The following ZBTB20 variants were observed in gnomAD, a reference collection of about 807,000 sequenced individuals.
ZBTB20 encodes zinc finger and BTB domain containing 20.
Under a neutral mutation model 56.9 loss-of-function variants are expected in ZBTB20, and 9 were observed. The ratio of observed to expected loss-of-function variants is 0.16; its 90% CI spans 0.10 to 0.28. ZBTB20 has a LOEUF of 0.28. ZBTB20 is among the 10% of genes least tolerant of loss of function. The pLI is 1.00. For missense variants in ZBTB20, 655 were observed against 1,003.0 expected (o/e 0.65, Z 4.69); for synonymous variants, 417 against 420.7 (o/e 0.99, Z 0.11).
At chr3:115,122,688 T>C (rs1374981268) in intron 1 of ZBTB20, among the ~76,000 whole-genome samples, 2 of 152,120 alleles carry the variant, frequency 1.3e-5, no homozygotes, top group Non-Finnish European at 2.9e-5. Flanking sequence ...ATATTAATCC[T>C]ATTCTTCATC....
intron 7 of ZBTB20, among the ~76,000 whole-genome samples, chr3:114,418,586 A>T (rs2088819381): frequency 3.8e-5 from 1 of 26,134 alleles, no homozygotes; most frequent in African/African-American, 6.5e-5. Context: ...TGAGTATATT[A>T]AAAAAAAAAA....
At chr3:115,048,985 G>A (rs2081440686) in intron 2 of ZBTB20, among the ~76,000 whole-genome samples, 1 of 151,890 alleles carries the variant, frequency 6.6e-6, no homozygotes, top group Non-Finnish European at 1.5e-5. Flanking sequence ...TGAACTATGT[G>A]AACTATATGC....
rs1161779763 is a variant in ZBTB20, at chr3:114,963,804, A to G, written c.-456+10562T>C. 6.6e-5 allele frequency among the ~76,000 whole-genome samples: 10 copies of G among 152,048 alleles called. No homozygotes were observed. The East Asian group carries it at 1.9e-3, about 29-fold the overall frequency. On this transcript the variant is annotated intron_variant, in intron 3 of 11. Coordinates refer to ENST00000675478, the MANE Select transcript of ZBTB20 (RefSeq NM_001348800.3). ...ATTATATTCAACTTTGTTGCTGTGTATAAGACAAAACTTTTGTTTCCTTAC... is the reference window on the plus strand; with the variant it reads ...ATTATATTCAACTTTGTTGCTGTGTGTAAGACAAAACTTTTGTTTCCTTAC...
At chr3:115,003,352 G>A (rs1354273140) in intron 2 of ZBTB20, among the ~76,000 whole-genome samples, 1 of 151,536 alleles carries the variant, frequency 6.6e-6, no homozygotes, top group South Asian at 2.1e-4. Context: ...GTTAATAATG[G>A]GGAAAAGTGG....
At chr3:114,511,623 T>C (rs943983878) in intron 6 of ZBTB20, among the ~76,000 whole-genome samples, 3 of 152,122 alleles carry the variant, frequency 2.0e-5, no homozygotes, top group Non-Finnish European at 2.9e-5. Flanking sequence ...TAATTCTTAG[T>C]TCAGTGAACA....
chr3:114,925,742 G>T (rs1482048851), intron 3 of ZBTB20, among the ~76,000 whole-genome samples: 4 of 152,066 alleles, frequency 2.6e-5, no homozygotes, highest in Non-Finnish European at 4.4e-5. Flanking sequence ...TAGCCAGGAT[G>T]ATCTCAATCT....
At chr3:114,548,296 G>A (rs921192830) in intron 6 of ZBTB20, among the ~76,000 whole-genome samples, 14 of 152,126 alleles carry the variant, frequency 9.2e-5, no homozygotes, top group African/African-American at 3.4e-4. Context: ...AGTGGGCTCT[G>A]TTCATCCTCA....
chr3:115,042,414 G>A (rs181173175), intron 2 of ZBTB20, among the ~76,000 whole-genome samples: 5 of 152,214 alleles, frequency 3.3e-5, no homozygotes, highest in Non-Finnish European at 5.9e-5. Flanking sequence ...CTGCTCAAAC[G>A]CAGAGGAAAC....
intron 6 of ZBTB20, among the ~76,000 whole-genome samples, chr3:114,660,948 G>A (rs1473143759): frequency 6.6e-6 from 1 of 152,048 alleles, no homozygotes; most frequent in Non-Finnish European, 1.5e-5. Context: ...TCTCCAAAAA[G>A]CCATTTATGC....
chr3:115,109,949 C>T (rs972947502), intron 1 of ZBTB20, among the ~76,000 whole-genome samples: 1 of 152,156 alleles, frequency 6.6e-6, no homozygotes, highest in East Asian at 1.9e-4. Flanking sequence ...GTGGCTCACG[C>T]CTGTAATCCC....
intron 6 of ZBTB20, among the ~76,000 whole-genome samples, chr3:114,531,075 T>C (rs2047789493): frequency 6.6e-6 from 1 of 152,204 alleles, no homozygotes; most frequent in Non-Finnish European, 1.5e-5. Context: ...CAGACCTTTC[T>C]TCGGAGCTTC....
chr3:114,843,233 G>T (rs1033383983), intron 4 of ZBTB20, among the ~76,000 whole-genome samples: 1 of 152,006 alleles, frequency 6.6e-6, no homozygotes, highest in Non-Finnish European at 1.5e-5. Flanking sequence ...ACTAATACAA[G>T]TACTATCCAA....
chr3:114,315,175 A>G lies in ZBTB20; in HGVS notation c.*23830T>C, dbSNP rs1431675012. The G allele has an allele frequency of 6.6e-6, 1 of 152,174 alleles. No individual in the cohort carries two copies. The highest frequency in any genetic ancestry group is 1.5e-5 in the Non-Finnish European group (1 of 68,036). The allele number at this position is 152,174 out of a possible 1,614,324, so 9.4% of individuals were successfully genotyped here. On this transcript the variant is annotated 3_prime_UTR_variant, in exon 12 of 12. Transcript: ENST00000675478. ...GATGGATGTGTGTTTTTGTGGATAT[A>G]TGGATTTATACCGTGCACAGAGTGA...
Position 114,482,337 on chromosome 3 carries a change from C to T in ZBTB20, c.-255+18015G>A, listed in dbSNP as rs544106130. Among the ~76,000 whole-genome samples, 242 of 152,246 alleles carry T rather than the reference C, an allele frequency of 1.6e-3. 2 individuals are homozygous for T. The highest frequency in any genetic ancestry group is 4.6e-3 in the South Asian group (22 of 4,822). On this transcript the variant is annotated intron_variant, in intron 7 of 11. Transcript: ENST00000675478. ...AAGACCAGACACCATAGTGAGTAGACTGTATCTAACTGCTCTCCACCCTCA... is the reference window on the plus strand; with the variant it reads ...AAGACCAGACACCATAGTGAGTAGATTGTATCTAACTGCTCTCCACCCTCA...
At position 114,525,534 on chromosome 3, in the gene ZBTB20, T is replaced by C. The variant is rs568067841; in HGVS notation, c.-294-25143A>G. ...AGCTTAGGTCTTACTTCTCGGATGG[T>C]TTTTCTATGATTACCATGAGGCCTG... On this transcript the variant is annotated intron_variant, in intron 6 of 11. Coordinates refer to ENST00000675478, the MANE Select transcript of ZBTB20 (RefSeq NM_001348800.3). Among the ~76,000 whole-genome samples the C allele has an allele frequency of 3.9e-5, 6 of 152,292 alleles. No individual in the cohort carries two copies. The South Asian group carries it at 1.0e-3, about 26-fold the overall frequency.
At chr3:114,507,776 C>T (rs1577168262) in intron 6 of ZBTB20, among the ~76,000 whole-genome samples, 2 of 152,020 alleles carry the variant, frequency 1.3e-5, no homozygotes, top group African/African-American at 4.8e-5. Context: ...AAAATGTTCA[C>T]CCTAAAAATT....
chr3:114,476,132 T>A (rs145000828), intron 7 of ZBTB20, among the ~76,000 whole-genome samples: 4 of 152,202 alleles, frequency 2.6e-5, no homozygotes, highest in Non-Finnish European at 4.4e-5. Flanking sequence ...ATATATAGTA[T>A]AAATAGTTCA....
intron 6 of ZBTB20, among the ~76,000 whole-genome samples, chr3:114,559,625 C>G (rs1025833112): frequency 3.3e-5 from 5 of 152,174 alleles, no homozygotes; most frequent in Admixed American, 2.0e-4. Flanking sequence ...TCTCTTTAAG[C>G]AATACCATTC....
intron 3 of ZBTB20, among the ~76,000 whole-genome samples, chr3:114,973,885 T>C (rs559680076): frequency 2.0e-5 from 3 of 152,170 alleles, no homozygotes; most frequent in Non-Finnish European, 4.4e-5. Flanking sequence ...CTTCTGACTA[T>C]CAGTAGCCAC....
Sources: allele counts gnomAD v4.1 joint callset (sites outside exome capture counted in the v4.1 genomes callset), GRCh38; gene constraint gnomAD v4.1.1; transcripts MANE v1.5; gene names NCBI Gene and HGNC (gene_info 2026-07-23, HGNC 2026-07-21).